The following ANKRD12 variants were observed in gnomAD, a reference collection of about 807,000 sequenced individuals.
ANKRD12 encodes the protein ankyrin repeat domain-containing protein 12.
A neutral mutation model predicts 183.4 loss-of-function variants in ANKRD12; 85 were observed. That is an observed-to-expected ratio of 0.46 (90% confidence interval 0.39 to 0.56). The LOEUF (loss-of-function observed/expected upper bound fraction) is 0.56, where lower values mean the gene tolerates loss of function less well. Ranked by LOEUF, ANKRD12 falls within the 20% of genes least tolerant of loss-of-function variation. The pLI is 0.00. For missense variants in ANKRD12, 2,405 were observed against 2,357.1 expected (o/e 1.02, Z -0.42); for synonymous variants, 914 against 800.2 (o/e 1.14, Z -2.40).
intron 1 of ANKRD12, among the ~76,000 whole-genome samples, chr18:9,157,601 GTA>G (rs1251832739): frequency 3.7e-5 from 4 of 106,970 alleles, no homozygotes; most frequent in African/African-American, 1.8e-4. Flanking sequence ...ATATATATAT[GTA>G]TTTTTTTTTT....
At chr18:9,200,142 T>C (rs1159424912) in intron 3 of ANKRD12, among the ~76,000 whole-genome samples, 1 of 152,202 alleles carries the variant, frequency 6.6e-6, no homozygotes, top group Non-Finnish European at 1.5e-5. Flanking sequence ...AAATTCTCAA[T>C]TATTTAATAC....
At chr18:9,245,175 TGTG>T (rs1041946085) in intron 8 of ANKRD12, among the ~76,000 whole-genome samples, 22 of 151,604 alleles carry the variant, frequency 1.5e-4, no homozygotes, top group African/African-American at 4.1e-4. Context: ...CCTGGCCAGA[TGTG>T]GTGGCTCACA....
chr18:9,195,744 A>G, intron 3 of ANKRD12, 46 bp downstream of exon 3: 2 of 1,578,984 alleles, frequency 1.3e-6, no homozygotes, highest in East Asian at 4.6e-5. Flanking sequence ...CCATTCTTTA[A>G]TTCTGATTTT....
At chr18:9,260,421 T>C (rs1041465195) in intron 9 of ANKRD12, 1 of 152,226 alleles carries the variant, frequency 6.6e-6, no homozygotes, top group Non-Finnish European at 1.5e-5. Flanking sequence ...TTCCTTCCAG[T>C]ACTTTAATCA....
chr18:9,256,594 G>T lies in ANKRD12; in HGVS notation c.3327G>T (p.Arg1109=). 1 of 1,602,260 alleles carries T rather than the reference G, an allele frequency of 6.2e-7. No individual in the cohort carries two copies. Among genetic ancestry groups the T allele is most frequent in the Non-Finnish European group, 8.5e-7 (1 of 1,177,358 alleles). ...AAATTAAGCAAAAAGAAAAGGAACG[G>T]TTGAGAAACCGAAACTGTTTAGAAC... is the stretch of plus-strand genomic sequence containing the variant. ...KEKIKQKEKE[R]LRNRNCLELK... Residue 1109 remains arginine, a synonymous_variant, in exon 9 of 13, where the codon CGG becomes CGT. Transcript: ENST00000262126.
chr18:9,160,755 G>A (rs2031298856), intron 1 of ANKRD12, among the ~76,000 whole-genome samples: 1 of 152,194 alleles, frequency 6.6e-6, no homozygotes, highest in South Asian at 2.1e-4. Context: ...TTAAATTTGA[G>A]AGTAAATTGT....
chr18:9,138,037 G>T (rs1477149500), intron 1 of ANKRD12, among the ~76,000 whole-genome samples: 1 of 152,230 alleles, frequency 6.6e-6, no homozygotes, highest in African/African-American at 2.4e-5. Context: ...TGCGAACTAA[G>T]GTGAAGTGTG....
At chr18:9,275,480 AT>A in intron 10 of ANKRD12, 43 bp from the exon 11 acceptor site, 1 of 1,577,210 alleles carries the variant, frequency 6.3e-7, no homozygotes, top group South Asian at 1.1e-5. Flanking sequence ...TTAAACAAAA[AT>A]TTGTTGAAGA....
Position 9,246,860 on chromosome 18 carries a change from C to A in ANKRD12, c.944-7351C>A, listed in dbSNP as rs1216023063. Among the ~76,000 whole-genome samples, 5 of 152,178 alleles carry A rather than the reference C, an allele frequency of 3.3e-5. No homozygotes were observed. The East Asian group carries it at 9.7e-4, about 29-fold the overall frequency. ...TAAAACAGTCCTGTGAGTATTAATT[C>A]CTAATACTAGATTACTGATCTTTTA... On this transcript the variant is annotated intron_variant, in intron 8 of 12. Coordinates refer to ENST00000262126, the MANE Select transcript of ANKRD12 (RefSeq NM_015208.5).
chr18:9,262,135 A>T lies in ANKRD12; in HGVS notation c.5665-1655A>T, dbSNP rs147708399. Among the ~76,000 whole-genome samples the T allele has an allele frequency of 7.6e-4, 116 of 152,300 alleles. 1 individual carries two copies. Among genetic ancestry groups the T allele is most frequent in the Admixed American group, 7.0e-3 (107 of 15,298 alleles). On this transcript the variant is annotated intron_variant, in intron 9 of 12. Coordinates refer to ENST00000262126, the MANE Select transcript of ANKRD12 (RefSeq NM_015208.5). Reference sequence around the variant, plus strand: ...TTATTTAACATGTTTTCAGTCTCTCATAATGCTGATTATAGAGTCTGTAGA... The same window carrying T: ...TTATTTAACATGTTTTCAGTCTCTCTTAATGCTGATTATAGAGTCTGTAGA...
intron 5 of ANKRD12, 138 bp downstream of exon 5, chr18:9,208,941 G>A: frequency 1.2e-6 from 1 of 847,218 alleles, no homozygotes; most frequent in South Asian, 3.3e-5. Flanking sequence ...TAAGTCAGTG[G>A]TAATTTTATG....
intron 10 of ANKRD12, among the ~76,000 whole-genome samples, chr18:9,268,485 G>A (rs1298842720): frequency 5.9e-5 from 9 of 152,244 alleles, no homozygotes; most frequent in South Asian, 2.1e-4. Flanking sequence ...ATCAATAAAC[G>A]TAATCCAGCA....
chr18:9,220,515 G>A (rs541338963), intron 7 of ANKRD12, among the ~76,000 whole-genome samples: 2 of 152,176 alleles, frequency 1.3e-5, no homozygotes, highest in East Asian at 3.9e-4. Context: ...AATTAACGAT[G>A]ACTCCCAAAT....
At position 9,258,840 on chromosome 18, in the gene ANKRD12, C is replaced by T; in HGVS notation, c.5573C>T (p.Pro1858Leu). Residue 1858 changes from proline to leucine, a missense_variant, in exon 9 of 13, where the codon CCT becomes CTT. Coordinates refer to ENST00000262126, the MANE Select transcript of ANKRD12 (RefSeq NM_015208.5). ...EKRKLLCSVIPQAPQYYDEYV... is the reference protein window; with the variant it reads ...EKRKLLCSVILQAPQYYDEYV... ...CGCAAATTACTGTGTAGTGTGATTC[C>T]TCAAGCACCTCAGTACTATGACGAA... The T allele has an allele frequency of 1.2e-6, 2 of 1,613,854 alleles. No homozygotes were observed. Among genetic ancestry groups the T allele is most frequent in the Non-Finnish European group, 1.7e-6 (2 of 1,179,844 alleles).
chr18:9,277,282 G>A (rs1440443102), intron 11 of ANKRD12, among the ~76,000 whole-genome samples: 1 of 150,146 alleles, frequency 6.7e-6, no homozygotes, highest in Non-Finnish European at 1.5e-5. Flanking sequence ...GATTGCGCCC[G>A]CTGCACTCCA....
rs900720230 is a variant in ANKRD12, at chr18:9,279,534, A to T, written c.5908-15A>T. ...TGATTTATTGTATTTTATAATACTC[A>T]CTTTTCTCTTTTAGTCTGATGACAG... On this transcript the variant is annotated splice_polypyrimidine_tract_variant and intron_variant, in intron 11 of 12. Coordinates refer to ENST00000262126, the MANE Select transcript of ANKRD12 (RefSeq NM_015208.5). The T allele has an allele frequency of 1.4e-6, 2 of 1,474,176 alleles. No homozygotes were observed. Among genetic ancestry groups the T allele is most frequent in the South Asian group, 1.2e-5 (1 of 84,514 alleles). The allele number at this position is 1,474,176 out of a possible 1,614,324, so 91.3% of individuals were successfully genotyped here. A position where few individuals can be genotyped will look rare whatever the true frequency, so the allele number is the denominator to read the frequency against.
rs199664229 is a variant in ANKRD12, at chr18:9,244,672, CT to C, written c.944-9538del. On this transcript the variant is annotated intron_variant, in intron 8 of 12. Coordinates refer to ENST00000262126, the MANE Select transcript of ANKRD12 (RefSeq NM_015208.5). ...GTTGAGGATATGATGGCATTTTGTG[CT>C]GATGAACAAGAACAGAGACAAAAAT... Among the ~76,000 whole-genome samples, 946 of 152,246 alleles carry C rather than the reference CT, an allele frequency of 6.2e-3. 10 individuals are homozygous for C. Among genetic ancestry groups the C allele is most frequent in the African/African-American group, 0.021 (887 of 41,542 alleles).
In ANKRD12 at chr18:9,256,085, A is replaced by C. The variant is rs2038601600; in HGVS notation, c.2818A>C (p.Asn940His). Reference sequence around the variant, plus strand: ...GGAGAAAAAAAATAAACAATCAGATAATAGTGAATACAGTAAATCAGAAAA... The same window carrying C: ...GGAGAAAAAAAATAAACAATCAGATCATAGTGAATACAGTAAATCAGAAAA... Reference protein sequence around the residue: ...LMEKKNKQSDNSEYSKSEKGK... With the variant: ...LMEKKNKQSDHSEYSKSEKGK... Residue 940 changes from asparagine (N) to histidine (H), a missense_variant, in exon 9 of 13, where the codon AAT becomes CAT. Transcript: ENST00000262126. 1.3e-6 allele frequency: 2 copies of C among 1,565,474 alleles called. No homozygotes were observed. Among genetic ancestry groups the C allele is most frequent in the South Asian group, 2.4e-5 (2 of 82,132 alleles).
intron 10 of ANKRD12, among the ~76,000 whole-genome samples, chr18:9,267,500 A>G (rs890048403): frequency 1.4e-4 from 22 of 152,224 alleles, no homozygotes; most frequent in Non-Finnish European, 2.9e-4. Flanking sequence ...TGGAAACTGA[A>G]CAACCTGCTC....
Sources: allele counts gnomAD v4.1 joint callset (sites outside exome capture counted in the v4.1 genomes callset), GRCh38; gene constraint gnomAD v4.1.1; transcripts MANE v1.5; gene names NCBI Gene and HGNC (gene_info 2026-07-23, HGNC 2026-07-21).